The following DPYD variants were observed in gnomAD, a reference collection of about 807,000 sequenced individuals.
The protein encoded by DPYD is dihydropyrimidine dehydrogenase [NADP(+)].
Under a neutral mutation model 116.2 loss-of-function variants are expected in DPYD, and 109 were observed. The ratio of observed to expected loss-of-function variants is 0.94; its 90% CI spans 0.80 to 1.10. The LOEUF (loss-of-function observed/expected upper bound fraction) is 1.10, where lower values mean the gene tolerates loss of function less well. DPYD is among the 50% of genes least tolerant of loss of function. The pLI is 0.00. For missense variants in DPYD, 1,302 were observed against 1,254.5 expected, an observed-to-expected ratio of 1.04 and a Z score of -0.57; for synonymous variants, 440 against 432.0, an observed-to-expected ratio of 1.02 and a Z score of -0.23.
chr1:97,580,674 C>A (rs1381486878), intron 10 of DPYD, among the ~76,000 whole-genome samples: 2 of 152,104 alleles, frequency 1.3e-5, no homozygotes, highest in South Asian at 2.1e-4. Flanking sequence ...TAGCAATAAC[C>A]CTGCTAAGTC....
intron 5 of DPYD, among the ~76,000 whole-genome samples, chr1:97,719,394 G>A (rs1662796758): frequency 6.6e-6 from 1 of 151,834 alleles, no homozygotes; most frequent in Admixed American, 6.6e-5. Flanking sequence ...CCATACTATT[G>A]TAATCTGCTT....
Position 97,635,889 on chromosome 1 carries a change from G to A in DPYD, c.851-40723C>T, listed in dbSNP as rs1374502528. On this transcript the variant is annotated intron_variant, in intron 8 of 22. Coordinates refer to ENST00000370192, the MANE Select transcript of DPYD (RefSeq NM_000110.4). ...GGCTGGAATGCAGTGGTGTGATCAC[G>A]GCTCACTGCAGCCTTGAGTTCCTAG... 2.6e-5 allele frequency among the ~76,000 whole-genome samples: 4 copies of A among 152,102 alleles called. No homozygotes were observed. In the South Asian group the frequency reaches 8.3e-4, roughly 32 times the overall value.
chr1:97,430,738 G>A (rs1029909280), intron 14 of DPYD, among the ~76,000 whole-genome samples: 2 of 152,178 alleles, frequency 1.3e-5, no homozygotes, highest in East Asian at 3.9e-4. Context: ...AGTCTTATAT[G>A]CACATAATTA....
chr1:97,674,879 C>G (rs868377937), intron 8 of DPYD, among the ~76,000 whole-genome samples: 95 of 152,126 alleles, frequency 6.2e-4, no homozygotes, highest in African/African-American at 1.8e-3. Context: ...TTATTTAACT[C>G]ACTAATAGCT....
chr1:97,263,500 C>G (rs1664025110), intron 18 of DPYD, among the ~76,000 whole-genome samples: 1 of 152,038 alleles, frequency 6.6e-6, no homozygotes. Context: ...TTTAATAACT[C>G]TGCACTTAGA....
intron 8 of DPYD, among the ~76,000 whole-genome samples, chr1:97,607,681 G>C (rs1328762618): frequency 6.6e-6 from 1 of 151,802 alleles, no homozygotes; most frequent in African/African-American, 2.4e-5. Flanking sequence ...GGACCAATCA[G>C]TCAGGAGGAG....
At chr1:97,226,069 T>A (rs551190238) in intron 19 of DPYD, among the ~76,000 whole-genome samples, 1 of 152,122 alleles carries the variant, frequency 6.6e-6, no homozygotes, top group Non-Finnish European at 1.5e-5. Context: ...ATCTTAGAGA[T>A]GTGAGAATGA....
chr1:97,195,169 C>G (rs936586846), intron 19 of DPYD, among the ~76,000 whole-genome samples: 1 of 152,050 alleles, frequency 6.6e-6, no homozygotes, highest in Admixed American at 6.5e-5. Flanking sequence ...ATTTATATTT[C>G]AACTTCAAAC....
At chr1:97,904,831 T>A (rs1673527746) in intron 1 of DPYD, among the ~76,000 whole-genome samples, 1 of 152,002 alleles carries the variant, frequency 6.6e-6, no homozygotes, top group South Asian at 2.1e-4. Context: ...ATGTTCCAAC[T>A]AAGAACCTAC....
chr1:97,672,308 T>C (rs1392923509), intron 8 of DPYD, among the ~76,000 whole-genome samples: 2 of 152,156 alleles, frequency 1.3e-5, no homozygotes, highest in Non-Finnish European at 2.9e-5. Flanking sequence ...GTGCTTTCTA[T>C]AGATATGTTA....
At position 97,235,033 on chromosome 1, in the gene DPYD, C is replaced by T. The variant is rs12137711; in HGVS notation, c.2300-39G>A. Reference sequence around the variant, plus strand: ...GAATAATCAATGGTTAGCACACTGACCACTTGAGTATACTGTCTTATATTA... The same window carrying T: ...GAATAATCAATGGTTAGCACACTGATCACTTGAGTATACTGTCTTATATTA... On this transcript the variant is annotated intron_variant, in intron 18 of 22. Coordinates refer to ENST00000370192, the MANE Select transcript of DPYD (RefSeq NM_000110.4). 182,882 of 1,611,754 alleles carry T rather than the reference C, an allele frequency of 0.11. 11,961 individuals are homozygous for T. Among genetic ancestry groups the T allele is most frequent in the South Asian group, 0.23 (20,561 of 90,942 alleles).
At chr1:97,889,780 C>T (rs1160802880) in intron 1 of DPYD, among the ~76,000 whole-genome samples, 3 of 151,940 alleles carry the variant, frequency 2.0e-5, no homozygotes, top group Non-Finnish European at 2.9e-5. Context: ...CCATATAACA[C>T]TCTAAAAGAG....
At chr1:97,884,042 ACAT>A (rs1672366395) in intron 1 of DPYD, among the ~76,000 whole-genome samples, 1 of 152,028 alleles carries the variant, frequency 6.6e-6, no homozygotes, top group African/African-American at 2.4e-5. Context: ...TGATATAATG[ACAT>A]CATTATATCA....
intron 3 of DPYD, among the ~76,000 whole-genome samples, chr1:97,822,434 T>C (rs1229437099): frequency 1.3e-5 from 2 of 149,000 alleles, no homozygotes; most frequent in Non-Finnish European, 3.0e-5. Context: ...TATATATATT[T>C]ATGTTATATA....
intron 8 of DPYD, among the ~76,000 whole-genome samples, chr1:97,653,811 C>T (rs1434711744): frequency 1.3e-5 from 2 of 152,142 alleles, no homozygotes; most frequent in East Asian, 3.9e-4. Flanking sequence ...AAATTCTATC[C>T]TTCCAGACAC....
At chr1:97,163,493 A>G (rs1656080186) in intron 20 of DPYD, among the ~76,000 whole-genome samples, 1 of 152,206 alleles carries the variant, frequency 6.6e-6, no homozygotes, top group African/African-American at 2.4e-5. Flanking sequence ...GCTATAAAAA[A>G]TGGTACAGAC....
intron 20 of DPYD, among the ~76,000 whole-genome samples, chr1:97,150,441 A>G (rs1217895638): frequency 6.6e-6 from 1 of 152,192 alleles, no homozygotes; most frequent in African/African-American, 2.4e-5. Flanking sequence ...GAATGAAAGC[A>G]CCATTCAAAT....
chr1:97,164,754 C>T (rs1656190664), intron 20 of DPYD, among the ~76,000 whole-genome samples: 1 of 152,130 alleles, frequency 6.6e-6, no homozygotes, highest in African/African-American at 2.4e-5. Flanking sequence ...GATTATAAAA[C>T]ACTGCTCAAA....
At chr1:97,421,365 C>G (rs958487045) in intron 14 of DPYD, among the ~76,000 whole-genome samples, 8 of 151,974 alleles carry the variant, frequency 5.3e-5, no homozygotes, top group African/African-American at 1.9e-4. Context: ...TTAGATTTCC[C>G]AAGAGAAACG....
Sources: gnomAD v4.1 joint callset for allele counts (sites outside exome capture counted in the v4.1 genomes callset) on GRCh38, gnomAD v4.1.1 for gene constraint, MANE v1.5 for transcripts, NCBI Gene and HGNC (gene_info 2026-07-23, HGNC 2026-07-21) for gene names.